Variants in SUCLA2 observed in about 807,000 individuals in gnomAD.
The protein encoded by SUCLA2 is succinate--CoA ligase [ADP-forming] subunit beta, mitochondrial.
A neutral mutation model predicts 54.8 loss-of-function variants in SUCLA2; 30 were observed. The ratio of observed to expected loss-of-function variants is 0.55; its 90% CI spans 0.41 to 0.74. The LOEUF (loss-of-function observed/expected upper bound fraction) is 0.74. Among genes scored for constraint, SUCLA2 ranks in the 30% least tolerant of loss-of-function variants. SUCLA2 has a pLI of 0.00. For missense variants in SUCLA2, 476 were observed against 562.9 expected (o/e 0.85, Z 1.56); for synonymous variants, 172 against 188.9 (o/e 0.91, Z 0.74).
chr13:47,994,872 C>A, intron 2 of SUCLA2: 2 of 985,214 alleles, frequency 2.0e-6, no homozygotes, highest in Non-Finnish European at 2.4e-6. Flanking sequence ...GTTTATCCTG[C>A]ACATATTATT....
chr13:47,975,597 A>AAAG (rs10633426), intron 4 of SUCLA2, among the ~76,000 whole-genome samples: 142,315 of 152,128 alleles, frequency 0.94, 66,597 homozygotes, highest in East Asian at 1. Flanking sequence ...CAAAAATTAA[A>AAAG]AAGAAGAATC....
chr13:47,967,480 A>G (rs1010050349), intron 6 of SUCLA2, among the ~76,000 whole-genome samples: 2 of 152,206 alleles, frequency 1.3e-5, no homozygotes, highest in Admixed American at 6.5e-5. Context: ...AGAAAAAAAC[A>G]GAACACATTG....
chr13:47,975,206 G>A (rs1285228240), intron 4 of SUCLA2, among the ~76,000 whole-genome samples: 1 of 150,530 alleles, frequency 6.6e-6, no homozygotes, highest in Non-Finnish European at 1.5e-5. Flanking sequence ...TGTCACCCAG[G>A]CTGGAGTGAA....
intron 10 of SUCLA2, among the ~76,000 whole-genome samples, chr13:47,945,490 G>C (rs1170472935): frequency 1.3e-5 from 2 of 149,316 alleles, no homozygotes; most frequent in East Asian, 4.0e-4. Flanking sequence ...AAGAGTGTTC[G>C]AGTGTTCAAT....
At chr13:47,968,827 A>ACTCATGTTTATCATT in intron 5 of SUCLA2, 94 bp from the exon 6 acceptor site, 1 of 1,399,712 alleles carries the variant, frequency 7.1e-7, no homozygotes, top group Non-Finnish European at 9.7e-7. Flanking sequence ...CACTTAAATG[A>ACTCATGTTTATCATT]TAAACATGAG....
At chr13:47,977,780 C>T (rs546421296) in intron 4 of SUCLA2, among the ~76,000 whole-genome samples, 151 of 152,098 alleles carry the variant, frequency 9.9e-4, no homozygotes, top group African/African-American at 3.3e-3. Flanking sequence ...ATAATAAAGG[C>T]CATATAAGAA....
intron 4 of SUCLA2, 119 bp downstream of exon 4, chr13:47,988,422 A>T: frequency 8.3e-7 from 1 of 1,202,148 alleles, no homozygotes; most frequent in Non-Finnish European, 1.2e-6. Flanking sequence ...CTCATGACAT[A>T]CAAACAGATT....
chr13:47,996,425 C>A (rs1281056041), intron 2 of SUCLA2, among the ~76,000 whole-genome samples: 1 of 151,362 alleles, frequency 6.6e-6, no homozygotes, highest in African/African-American at 2.4e-5. Context: ...TTTTTCATGA[C>A]AAAAAAATGG....
intron 4 of SUCLA2, among the ~76,000 whole-genome samples, chr13:47,973,640 A>T (rs887443095): frequency 1.3e-5 from 2 of 152,212 alleles, no homozygotes; most frequent in South Asian, 2.1e-4. Context: ...AAATAGATTT[A>T]AAATATACAC....
chr13:47,964,152 C>G (rs1225095883), intron 6 of SUCLA2, among the ~76,000 whole-genome samples: 2 of 151,956 alleles, frequency 1.3e-5, no homozygotes, highest in African/African-American at 4.8e-5. Flanking sequence ...GAAAAAGATG[C>G]AACAACCTGG....
intron 2 of SUCLA2, among the ~76,000 whole-genome samples, chr13:47,989,505 G>C (rs1271156780): frequency 1.3e-5 from 2 of 150,442 alleles, no homozygotes; most frequent in Admixed American, 6.6e-5. Context: ...GCCAGTGCTG[G>C]GATTACAGGC....
chr13:47,980,448 G>T (rs1950051710), intron 4 of SUCLA2, among the ~76,000 whole-genome samples: 1 of 151,778 alleles, frequency 6.6e-6, no homozygotes, highest in Admixed American at 6.6e-5. Flanking sequence ...AAAATAAAAA[G>T]ACACAAACAA....
intron 6 of SUCLA2, among the ~76,000 whole-genome samples, chr13:47,961,811 C>A (rs1949873650): frequency 6.6e-6 from 1 of 152,320 alleles, no homozygotes; most frequent in Middle Eastern, 3.4e-3. Flanking sequence ...GTCTTTATGA[C>A]TGTCTTATGA....
chr13:47,965,494 T>TTAAAAAAAAA (rs751887684), intron 6 of SUCLA2: 2 of 311,164 alleles, frequency 6.4e-6, no homozygotes, highest in African/African-American at 2.6e-5. Flanking sequence ...ACCCCTTCTT[T>TTAAAAAAAAA]AAAAAAAAAA....
At chr13:47,944,824 G>A (rs1566079446) in intron 10 of SUCLA2, among the ~76,000 whole-genome samples, 2 of 152,174 alleles carry the variant, frequency 1.3e-5, no homozygotes, top group African/African-American at 4.8e-5. Flanking sequence ...ACATTAACTC[G>A]GTAAATTCAA....
intron 6 of SUCLA2, among the ~76,000 whole-genome samples, chr13:47,966,823 G>A (rs1949923373): frequency 6.6e-6 from 1 of 151,802 alleles, no homozygotes; most frequent in Non-Finnish European, 1.5e-5. Flanking sequence ...GATGAGCCTA[G>A]GCAACATATT....
At chr13:47,976,226 CA>C (rs1194473080) in intron 4 of SUCLA2, among the ~76,000 whole-genome samples, 1 of 152,162 alleles carries the variant, frequency 6.6e-6, no homozygotes, top group East Asian at 1.9e-4. Flanking sequence ...ACTTTAGCAA[CA>C]ATATATGATC....
intron 6 of SUCLA2, among the ~76,000 whole-genome samples, chr13:47,964,569 A>T (rs1949900396): frequency 1.3e-5 from 2 of 152,338 alleles, no homozygotes; most frequent in Admixed American, 6.5e-5. Flanking sequence ...ATAAGATGTC[A>T]TCATTGGGCC....
intron 2 of SUCLA2, among the ~76,000 whole-genome samples, chr13:47,989,600 T>C (rs1950134725): frequency 6.6e-6 from 1 of 152,196 alleles, no homozygotes; most frequent in Non-Finnish European, 1.5e-5. Context: ...CTTTGGAAAG[T>C]GTCATCTAGA....
Sources: allele counts gnomAD v4.1 joint callset (sites outside exome capture counted in the v4.1 genomes callset), GRCh38; gene constraint gnomAD v4.1.1; transcripts MANE v1.5; gene names NCBI Gene and HGNC (gene_info 2026-07-23, HGNC 2026-07-21).